The following NAALADL2 variants were observed in gnomAD, a reference collection of about 807,000 sequenced individuals.
The protein encoded by NAALADL2 is N-acetylated alpha-linked acidic dipeptidase like 2.
Under a neutral mutation model 87.2 loss-of-function variants are expected in NAALADL2, and 76 were observed. That is an observed-to-expected ratio of 0.87 (90% CI 0.72 to 1.05). The LOEUF (loss-of-function observed/expected upper bound fraction) is 1.05, where lower values mean the gene tolerates loss of function less well. Among genes scored for constraint, NAALADL2 ranks in the 50% least tolerant of loss-of-function variants. The probability of loss-of-function intolerance (pLI) is 0.00; values close to 1 mark genes in which losing one functional copy is unlikely to be tolerated. For synonymous variants in NAALADL2, 354 were observed against 331.0 expected, an observed-to-expected ratio of 1.07 and a Z score of -0.75; for missense variants, 1,089 against 945.8, an observed-to-expected ratio of 1.15 and a Z score of -1.99.
At chr3:174,842,897 G>A (rs1724181873) in intron 3 of NAALADL2, among the ~76,000 whole-genome samples, 1 of 151,894 alleles carries the variant, frequency 6.6e-6, no homozygotes, top group Non-Finnish European at 1.5e-5. Flanking sequence ...TATTTTCCTT[G>A]CCGTCAATTA....
chr3:174,803,729 C>A (rs1719117344), intron 3 of NAALADL2, among the ~76,000 whole-genome samples: 1 of 152,102 alleles, frequency 6.6e-6, no homozygotes, highest in South Asian at 2.1e-4. Flanking sequence ...AATAGGGAAT[C>A]CTTTTCCCAT....
chr3:174,448,621 T>C (rs984703349), intron 1 of NAALADL2, among the ~76,000 whole-genome samples: 5 of 152,006 alleles, frequency 3.3e-5, no homozygotes, highest in African/African-American at 1.2e-4. Context: ...ATGAGATGAG[T>C]ATTGCCAGGG....
intron 3 of NAALADL2, among the ~76,000 whole-genome samples, chr3:174,798,470 G>A (rs529815261): frequency 2.6e-5 from 4 of 152,214 alleles, no homozygotes; most frequent in South Asian, 4.1e-4. Context: ...CAAAAAACGG[G>A]CAGCTTGGAT....
At position 175,393,280 on chromosome 3, in the gene NAALADL2, C is replaced by CAAAAAAAAAAAA. The variant is rs775778803; in HGVS notation, c.1091-53924_1091-53913dup. 6.8e-4 allele frequency among the ~76,000 whole-genome samples: 20 copies of CAAAAAAAAAAAA among 29,520 alleles called. 5 individuals are homozygous for CAAAAAAAAAAAA. Among genetic ancestry groups the CAAAAAAAAAAAA allele is most frequent in the African/African-American group, 2.0e-3 (14 of 6,992 alleles). 19.4% of individuals were successfully genotyped at this position (29,520 alleles called of 152,430 possible). On this transcript the variant is annotated intron_variant, in intron 5 of 13. Coordinates refer to ENST00000454872, the MANE Select transcript of NAALADL2 (RefSeq NM_207015.3). Reference sequence around the variant, plus strand: ...TGGGCGACAGAGCGAGACTCCGTCTCAAAAAAAAAAAAAAAAAAAAAAAAA... The same window carrying CAAAAAAAAAAAA: ...TGGGCGACAGAGCGAGACTCCGTCTCAAAAAAAAAAAAAAAAAAAAAAAAAAAAAAAAAAAAA...
intron 2 of NAALADL2, among the ~76,000 whole-genome samples, chr3:174,567,025 G>A (rs768852379): frequency 2.0e-5 from 3 of 151,222 alleles, no homozygotes; most frequent in African/African-American, 4.8e-5. Flanking sequence ...TGAAAAATTG[G>A]GCTTATCATA....
chr3:174,712,934 C>T (rs953657391), intron 2 of NAALADL2, among the ~76,000 whole-genome samples: 1 of 152,120 alleles, frequency 6.6e-6, no homozygotes, highest in African/African-American at 2.4e-5. Context: ...GGTATATCTC[C>T]TAATGCTATG....
chr3:174,945,497 T>C (rs1158194702), intron 1 of NAALADL2, among the ~76,000 whole-genome samples: 3 of 152,194 alleles, frequency 2.0e-5, no homozygotes, highest in Non-Finnish European at 4.4e-5. Context: ...ATAGCACCTT[T>C]GGAAAGCAAA....
chr3:174,828,195 A>ACAACAC (rs200759361), intron 3 of NAALADL2, among the ~76,000 whole-genome samples: 2 of 152,000 alleles, frequency 1.3e-5, no homozygotes, highest in Non-Finnish European at 2.9e-5. Context: ...ACAACACAAC[A>ACAACAC]AAGATTCTCT....
chr3:174,792,712 C>T (rs1047915357), intron 3 of NAALADL2, among the ~76,000 whole-genome samples: 1 of 152,108 alleles, frequency 6.6e-6, no homozygotes, highest in African/African-American at 2.4e-5. Flanking sequence ...GTTTGAGATA[C>T]ATTCTTCTTG....
chr3:175,275,493 C>T (rs1406738058), intron 4 of NAALADL2, among the ~76,000 whole-genome samples: 1 of 151,968 alleles, frequency 6.6e-6, no homozygotes, highest in Non-Finnish European at 1.5e-5. Context: ...CAGTTTGTAT[C>T]TTATGGGGCA....
chr3:174,913,629 A>C (rs1004147645), intron 1 of NAALADL2, among the ~76,000 whole-genome samples: 2 of 152,094 alleles, frequency 1.3e-5, no homozygotes, highest in Non-Finnish European at 2.9e-5. Flanking sequence ...CTCCTCTGGA[A>C]AAAAAGGGAT....
At chr3:175,345,944 G>A (rs2862043) in intron 5 of NAALADL2, among the ~76,000 whole-genome samples, 142,466 of 152,202 alleles carry the variant, frequency 0.94, 66,732 homozygotes, top group East Asian at 0.99. Context: ...ACCCTACCCA[G>A]AATAGTATTT....
At chr3:175,095,933 T>G (rs1470342791) in intron 1 of NAALADL2, among the ~76,000 whole-genome samples, 29 of 152,136 alleles carry the variant, frequency 1.9e-4, no homozygotes, top group Admixed American at 1.9e-3. Flanking sequence ...TAGCCCAGTT[T>G]TCCTAATACC....
intron 5 of NAALADL2, among the ~76,000 whole-genome samples, chr3:175,342,794 CA>C (rs1331144378): frequency 6.6e-6 from 1 of 152,090 alleles, no homozygotes; most frequent in Non-Finnish European, 1.5e-5. Flanking sequence ...CAAAACTTCA[CA>C]ACTGGTATTG....
At chr3:174,567,225 A>G (rs925995793) in intron 2 of NAALADL2, among the ~76,000 whole-genome samples, 14 of 151,634 alleles carry the variant, frequency 9.2e-5, no homozygotes, top group African/African-American at 3.4e-4. Flanking sequence ...TATGTTTTAC[A>G]TTTAATAAAA....
chr3:175,066,396 G>A (rs927566419), intron 1 of NAALADL2, among the ~76,000 whole-genome samples: 7 of 152,002 alleles, frequency 4.6e-5, no homozygotes, highest in African/African-American at 7.2e-5. Context: ...TATCTAAATT[G>A]TACACCAAAC....
intron 1 of NAALADL2, among the ~76,000 whole-genome samples, chr3:175,087,598 A>G (rs1378229419): frequency 6.6e-6 from 1 of 152,198 alleles, no homozygotes; most frequent in African/African-American, 2.4e-5. Flanking sequence ...CTGTTAATCT[A>G]TAACCTTACT....
intron 1 of NAALADL2, among the ~76,000 whole-genome samples, chr3:174,526,867 G>A (rs1720808825): frequency 6.6e-6 from 1 of 151,784 alleles, no homozygotes; most frequent in Non-Finnish European, 1.5e-5. Context: ...ATTGGAGACG[G>A]GATTTTACTA....
chr3:175,293,064 G>A lies in NAALADL2; in HGVS notation c.940-31111G>A, dbSNP rs1297656678. ...AAAAAAAAAAAAAAAAAAAAAAAAA[G>A]GGGGAACTCGGTTATTGTTCTGAAA... On this transcript the variant is annotated intron_variant, in intron 4 of 13. Transcript: ENST00000454872. Among the ~76,000 whole-genome samples the A allele has an allele frequency of 1.3e-3, 156 of 119,402 alleles. 3 individuals are homozygous for A. Among genetic ancestry groups the A allele is most frequent in the Non-Finnish European group, 1.7e-3 (100 of 57,782 alleles). 78.3% of individuals were successfully genotyped at this position (119,402 alleles called of 152,430 possible). A position where few individuals can be genotyped will look rare whatever the true frequency, so the allele number is the denominator to read the frequency against.
Sources: gnomAD v4.1 joint callset for allele counts (sites outside exome capture counted in the v4.1 genomes callset) on GRCh38, gnomAD v4.1.1 for gene constraint, MANE v1.5 for transcripts, NCBI Gene and HGNC (gene_info 2026-07-23, HGNC 2026-07-21) for gene names.